CHCHD7: variants seen among roughly 807,000 people sequenced by gnomAD.
CHCHD7 encodes the protein coiled-coil-helix-coiled-coil-helix domain containing 7, also known as coiled-coil-helix-coiled-coil-helix domain-containing protein 7.
CHCHD7 carries 7 observed loss-of-function variants against 10.5 expected under a neutral mutation model. The ratio of observed to expected loss-of-function variants is 0.67; its 90% CI spans 0.38 to 1.25. The LOEUF is 1.25. Ranked by LOEUF, CHCHD7 falls within the 50% of genes most tolerant of loss-of-function variation. The probability of loss-of-function intolerance (pLI) is 0.02; values close to 1 mark genes in which losing one functional copy is unlikely to be tolerated. For synonymous variants in CHCHD7, 40 were observed against 36.0 expected (o/e 1.11, Z -0.40); for missense variants, 100 against 104.5 (o/e 0.96, Z 0.19).
chr8:56,218,449 C>A lies in CHCHD7; in HGVS notation c.*1014C>A. 4.7e-6 allele frequency: 1 copy of A among 212,358 alleles called. No homozygotes were observed. Among genetic ancestry groups the A allele is most frequent in the Non-Finnish European group, 9.5e-6 (1 of 105,052 alleles). 13.2% of individuals were successfully genotyped at this position (212,358 alleles called of 1,614,324 possible). On this transcript the variant is annotated 3_prime_UTR_variant, in exon 4 of 4. Coordinates refer to ENST00000355315, the MANE Select transcript of CHCHD7 (RefSeq NM_001011671.3). ...ATGAAATTTAATGTGTACTTGAAAA[C>A]ATTGCTTTTGTCCCTTCTCTTCATC...
intron 1 of CHCHD7, chr8:56,214,327 T>A (rs1813209791): frequency 4.1e-6 from 1 of 242,496 alleles, no homozygotes; most frequent in Non-Finnish European, 8.0e-6. Flanking sequence ...CGCTCCAGCC[T>A]CCCAAAGTGC....
Position 56,217,574 on chromosome 8 carries a change from G to A in CHCHD7, c.*139G>A, listed in dbSNP as rs775625330. The A allele has an allele frequency of 1.1e-5, 6 of 554,030 alleles. No individual in the cohort carries two copies. The highest frequency in any genetic ancestry group is 9.1e-5 in the South Asian group (4 of 43,910). 34.3% of individuals were successfully genotyped at this position (554,030 alleles called of 1,614,324 possible). A position where few individuals can be genotyped will look rare whatever the true frequency, so the allele number is the denominator to read the frequency against. On this transcript the variant is annotated 3_prime_UTR_variant, in exon 4 of 4. Coordinates refer to ENST00000355315, the MANE Select transcript of CHCHD7 (RefSeq NM_001011671.3). ...CAAGTGGAGACAGTGAAGTCACCCC[G>A]TGTCCTTTTTGCTTGCTCTCAGTGC...
chr8:56,212,880 C>T (rs1813096804), intron 1 of CHCHD7: 1 of 1,608,350 alleles, frequency 6.2e-7, no homozygotes, highest in Non-Finnish European at 8.5e-7. Context: ...ATGCACCAAA[C>T]TCGAACTGGG....
At chr8:56,214,900 G>A (rs1813252454) in intron 2 of CHCHD7, 3 of 389,178 alleles carry the variant, frequency 7.7e-6, no homozygotes, top group Non-Finnish European at 1.4e-5. Flanking sequence ...GCATTTGGTT[G>A]TCACTGTAAA....
At chr8:56,213,525 G>A (rs1207961909) in intron 1 of CHCHD7, 1 of 152,218 alleles carries the variant, frequency 6.6e-6, no homozygotes, top group East Asian at 1.9e-4. Context: ...CTGAGTAGTT[G>A]GGATTACAGG....
In CHCHD7 at chr8:56,217,818, G is replaced by A. The variant is rs1585862266; in HGVS notation, c.*383G>A. On this transcript the variant is annotated 3_prime_UTR_variant, in exon 4 of 4. Coordinates refer to ENST00000355315, the MANE Select transcript of CHCHD7 (RefSeq NM_001011671.3). ...TGAGCAAGAGTGTGAGGCAAGAGAA[G>A]CTGGAACCACATTCAGAGAGTATCC... The A allele has an allele frequency of 4.2e-6, 1 of 240,950 alleles. No homozygotes were observed. The highest frequency in any genetic ancestry group is 6.0e-5 in the East Asian group (1 of 16,668). The allele number at this position is 240,950 out of a possible 1,614,324, so 14.9% of individuals were successfully genotyped here. A position where few individuals can be genotyped will look rare whatever the true frequency, so the allele number is the denominator to read the frequency against.
chr8:56,215,721 C>T (rs1813311477), intron 2 of CHCHD7: 1 of 152,222 alleles, frequency 6.6e-6, no homozygotes, highest in Non-Finnish European at 1.5e-5. Context: ...GGGACCCCTG[C>T]TTTAGGTGAC....
chr8:56,218,282 A>C lies in CHCHD7; in HGVS notation c.*847A>C. Reference sequence around the variant, plus strand: ...AACTCAACACTGGGATGAGACTAGAACTTCACTTTATGATATAAACACAAT... The same window carrying C: ...AACTCAACACTGGGATGAGACTAGACCTTCACTTTATGATATAAACACAAT... On this transcript the variant is annotated 3_prime_UTR_variant, in exon 4 of 4. Transcript: ENST00000355315. 1 of 229,296 alleles carries C rather than the reference A, an allele frequency of 4.4e-6. No individual in the cohort carries two copies. Among genetic ancestry groups the C allele is most frequent in the Non-Finnish European group, 8.6e-6 (1 of 115,696 alleles). 14.2% of individuals were successfully genotyped at this position (229,296 alleles called of 1,614,324 possible). A position where few individuals can be genotyped will look rare whatever the true frequency, so the allele number is the denominator to read the frequency against.
intron 1 of CHCHD7, chr8:56,214,395 A>G: frequency 2.2e-6 from 1 of 444,756 alleles, no homozygotes; most frequent in Non-Finnish European, 4.1e-6. Context: ...AATCCAATAT[A>G]TGGCCTTTGT....
chr8:56,217,215 C>A, intron 3 of CHCHD7, 116 bp from the exon 4 acceptor site: 1 of 553,832 alleles, frequency 1.8e-6, no homozygotes, highest in Non-Finnish European at 3.2e-6. Flanking sequence ...TTAAAAAAAA[C>A]TTGGTTTTTA....
chr8:56,217,560 A>G lies in CHCHD7; in HGVS notation c.*125A>G. 1.7e-6 allele frequency: 1 copy of G among 594,964 alleles called. No individual in the cohort carries two copies. Among genetic ancestry groups the G allele is most frequent in the Non-Finnish European group, 2.9e-6 (1 of 341,378 alleles). 36.9% of individuals were successfully genotyped at this position (594,964 alleles called of 1,614,324 possible). Reference sequence around the variant, plus strand: ...GACCTTAAGTTCTTCAAGTGGAGACAGTGAAGTCACCCCGTGTCCTTTTTG... The same window carrying G: ...GACCTTAAGTTCTTCAAGTGGAGACGGTGAAGTCACCCCGTGTCCTTTTTG... On this transcript the variant is annotated 3_prime_UTR_variant, in exon 4 of 4. Transcript: ENST00000355315.
In CHCHD7 at chr8:56,214,662, T is replaced by G. The variant is rs1813236101; in HGVS notation, c.49T>G (p.Leu17Val). ...GAGAGATCCTGACATAAATCCTTGT[T>G]TGTCGGTAGGATGGTTTGCTTTAAT... Reference protein sequence around the residue: ...RLRDPDINPCLSESDASTRCL... With the variant: ...RLRDPDINPCVSESDASTRCL... Residue 17 changes from leucine (L) to valine (V), a missense_variant, in exon 2 of 4, where the codon TTG (leucine) becomes GTG (valine). Transcript: ENST00000355315. 1.2e-6 allele frequency: 2 copies of G among 1,613,210 alleles called. No individual in the cohort carries two copies. Among genetic ancestry groups the G allele is most frequent in the Admixed American group, 3.3e-5 (2 of 60,002 alleles).
intron 2 of CHCHD7, among the ~76,000 whole-genome samples, chr8:56,215,935 A>G (rs1813319979): frequency 6.6e-6 from 1 of 152,220 alleles, no homozygotes; most frequent in South Asian, 2.1e-4. Context: ...CCAAAAATGC[A>G]TTGAGATGAA....
intron 2 of CHCHD7, chr8:56,215,234 T>G (rs557042475): frequency 6.5e-6 from 1 of 152,730 alleles, no homozygotes; most frequent in South Asian, 2.1e-4. Flanking sequence ...AAAATTATAC[T>G]CTTTAGTTAT....
rs777015459 is a variant in CHCHD7 at position 56,218,328 on chromosome 8, CTG to C, written c.*894_*895del. ...ACAATACGATTATTCAATGTGGTGA[CTG>C]GGGTAGACTGTGAAGCAGCCCTCCT... is the stretch of plus-strand genomic sequence containing the variant. On this transcript the variant is annotated 3_prime_UTR_variant, in exon 4 of 4. Transcript: ENST00000355315. The C allele has an allele frequency of 5.4e-4, 124 of 228,980 alleles. No individual in the cohort carries two copies. Among genetic ancestry groups the C allele is most frequent in the Non-Finnish European group, 7.7e-4 (89 of 115,446 alleles). 14.2% of individuals were successfully genotyped at this position (228,980 alleles called of 1,614,324 possible).
intron 3 of CHCHD7, 146 bp downstream of exon 3, chr8:56,216,677 T>G (rs1289188948): frequency 2.3e-6 from 2 of 864,662 alleles, no homozygotes; most frequent in African/African-American, 1.7e-5. Context: ...TGTGCTACTT[T>G]AGCCGTGAAA....
chr8:56,214,946 T>G (rs961412720), intron 2 of CHCHD7: 2 of 291,996 alleles, frequency 6.8e-6, no homozygotes, highest in South Asian at 6.5e-5. Context: ...GAATATTTAG[T>G]CCAAACATGG....
In CHCHD7 at chr8:56,217,362, G is replaced by T; in HGVS notation, c.185G>T (p.Gly62Val). The T allele has an allele frequency of 6.2e-7, 1 of 1,612,716 alleles. No homozygotes were observed. Among genetic ancestry groups the T allele is most frequent in the South Asian group, 1.1e-5 (1 of 91,010 alleles). The change falls in exon 4 of 4, where the codon GGA becomes GTA. Residue 62 changes from glycine (G) to valine (V), a missense_variant. Coordinates refer to ENST00000355315, the MANE Select transcript of CHCHD7 (RefSeq NM_001011671.3). The stretch of plus-strand genomic sequence containing the variant: ...ATCGTGATGCAGAGAAGAAAGAACG[G>T]AGTGAAGCCATTTATGCCTACGGCA... Reference protein sequence around the residue: ...NSIVMQRRKNGVKPFMPTAAE... With the variant: ...NSIVMQRRKNVVKPFMPTAAE...
Position 56,214,666 on chromosome 8 carries a change from C to CGGTA in CHCHD7, c.54+2_54+5dup. The CGGTA allele has an allele frequency of 6.2e-7, 1 of 1,612,610 alleles. No individual in the cohort carries two copies. Among genetic ancestry groups the CGGTA allele is most frequent in the Non-Finnish European group, 8.5e-7 (1 of 1,178,898 alleles). ...GATCCTGACATAAATCCTTGTTTGT[C>CGGTA]GGTAGGATGGTTTGCTTTAATTTTC... is the stretch of plus-strand genomic sequence containing the variant. On this transcript the variant is annotated frameshift_variant and splice_region_variant, in exon 2 of 4. Transcript: ENST00000355315. LOFTEE classifies it high-confidence loss of function.
Sources: gnomAD v4.1 joint callset for allele counts (sites outside exome capture counted in the v4.1 genomes callset) on GRCh38, gnomAD v4.1.1 for gene constraint, MANE v1.5 for transcripts, NCBI Gene and HGNC (gene_info 2026-07-23, HGNC 2026-07-21) for gene names.